The following SLC20A2 variants were observed in gnomAD, a reference collection of about 807,000 sequenced individuals.
SLC20A2 encodes sodium-dependent phosphate transporter 2.
SLC20A2 carries 30 observed loss-of-function variants against 61.0 expected under a neutral mutation model. That is an observed-to-expected ratio of 0.49 (90% CI 0.37 to 0.67). The LOEUF (loss-of-function observed/expected upper bound fraction) is 0.67. Among genes scored for constraint, SLC20A2 ranks in the 30% least tolerant of loss-of-function variants. The pLI is 0.00. For synonymous variants in SLC20A2, 351 were observed against 353.3 expected (o/e 0.99, Z 0.07); for missense variants, 626 against 866.4 (o/e 0.72, Z 3.48).
chr8:42,490,479 C>T (rs1481842925), intron 1 of SLC20A2, among the ~76,000 whole-genome samples: 1 of 152,176 alleles, frequency 6.6e-6, no homozygotes, highest in African/African-American at 2.4e-5. Context: ...CACCTGTAAT[C>T]CCAGCTTCTC....
intron 5 of SLC20A2, among the ~76,000 whole-genome samples, chr8:42,457,978 C>T (rs1806347628): frequency 6.6e-6 from 1 of 152,140 alleles, no homozygotes; most frequent in African/African-American, 2.4e-5. Flanking sequence ...ATAAGGATTT[C>T]CACTATTTTG....
chr8:42,438,115 AAACT>A (rs1350894818), intron 7 of SLC20A2, among the ~76,000 whole-genome samples: 1 of 151,630 alleles, frequency 6.6e-6, no homozygotes, highest in Non-Finnish European at 1.5e-5. Flanking sequence ...CAAAAGGGTA[AAACT>A]AATAATGTGG....
At chr8:42,423,235 A>T (rs932177909) in intron 10 of SLC20A2, among the ~76,000 whole-genome samples, 1 of 152,150 alleles carries the variant, frequency 6.6e-6, no homozygotes, top group Non-Finnish European at 1.5e-5. Flanking sequence ...AGCATTAAAA[A>T]GTCTCCATTG....
At chr8:42,515,221 G>A (rs189551631) in intron 1 of SLC20A2, among the ~76,000 whole-genome samples, 172 of 152,254 alleles carry the variant, frequency 1.1e-3, no homozygotes, top group African/African-American at 3.6e-3. Context: ...TTTTGACTCC[G>A]GAGCTTGTGG....
chr8:42,476,499 C>T (rs1808117608), intron 1 of SLC20A2, among the ~76,000 whole-genome samples: 1 of 152,160 alleles, frequency 6.6e-6, no homozygotes, highest in South Asian at 2.1e-4. Flanking sequence ...ATGAAATTCA[C>T]ACAGGTGAAC....
Position 42,437,168 on chromosome 8 carries a change from C to A in SLC20A2, c.1344G>T (p.Glu448Asp), listed in dbSNP as rs1328659904. 1 of 1,613,690 alleles carries A rather than the reference C, an allele frequency of 6.2e-7. No individual in the cohort carries two copies. Among genetic ancestry groups the A allele is most frequent in the Non-Finnish European group, 8.5e-7 (1 of 1,180,024 alleles). The change falls in exon 8 of 11, where the codon GAG becomes GAT. Residue 448 changes from glutamate to aspartate, a missense_variant. Around this residue, in one of 3 missense-constraint regions of SLC20A2, gnomAD observed 361 missense variants for 422.3 expected, o/e 0.85. Transcript: ENST00000520262. This position sits in a 1 kb window ranked among gnomAD's most constrained non-coding sequence, Gnocchi z 6.4. ...NAVAEAEIEAEEGGVEMKLAS... is the reference protein window; with the variant it reads ...NAVAEAEIEADEGGVEMKLAS... ...CCAGCTTCATCTCCACGCCGCCCTC[C>A]TCCGCCTCGATCTCCGCCTCTGCCA...
chr8:42,475,554 C>A (rs967054993), intron 1 of SLC20A2, among the ~76,000 whole-genome samples: 2 of 151,968 alleles, frequency 1.3e-5, no homozygotes, highest in African/African-American at 4.8e-5. Context: ...GGATTACAGG[C>A]ACCCGCCATC....
intron 10 of SLC20A2, among the ~76,000 whole-genome samples, chr8:42,421,559 C>T (rs1054381699): frequency 1.4e-4 from 22 of 152,260 alleles, no homozygotes; most frequent in African/African-American, 4.8e-4. Context: ...AATCCCAGCA[C>T]TTTGGGAGGC....
At chr8:42,537,370 C>CAAAAAA (rs34392956) in intron 1 of SLC20A2, among the ~76,000 whole-genome samples, 3 of 86,184 alleles carry the variant, frequency 3.5e-5, no homozygotes, top group South Asian at 4.2e-4. Context: ...GACCCTGTCT[C>CAAAAAA]AAAAAAAAAA....
chr8:42,459,235 C>CAA lies in SLC20A2; in HGVS notation c.613+659_613+660dup, dbSNP rs756966778. 7.8e-3 allele frequency among the ~76,000 whole-genome samples: 274 copies of CAA among 35,232 alleles called. 3 individuals are homozygous for CAA. The highest frequency in any genetic ancestry group is 0.018 in the Middle Eastern group (1 of 56). The allele number at this position is 35,232 out of a possible 152,430, so 23.1% of individuals were successfully genotyped here. On this transcript the variant is annotated intron_variant, in intron 5 of 10. Transcript: ENST00000520262. ...TGGGTGAGAGAGTGAGACTCTATCT[C>CAA]AAAAAAAAAAAAAAAAAAAAAAAAC...
rs1454837824 is a variant in SLC20A2 at position 42,417,011 on chromosome 8, C to A, written c.*792G>T. The A allele has an allele frequency of 6.6e-6, 1 of 152,656 alleles. No individual in the cohort carries two copies. Among genetic ancestry groups the A allele is most frequent in the Admixed American group, 6.5e-5 (1 of 15,288 alleles). The allele number at this position is 152,656 out of a possible 1,614,324, so 9.5% of individuals were successfully genotyped here. Reference sequence around the variant, plus strand: ...CGTGGCGCATGCTGGGTGACGGTGTCACCGCCACACACTGCTCTGGGGCAG... The same window carrying A: ...CGTGGCGCATGCTGGGTGACGGTGTAACCGCCACACACTGCTCTGGGGCAG... On this transcript the variant is annotated 3_prime_UTR_variant, in exon 11 of 11. Transcript: ENST00000520262.
chr8:42,490,151 G>A (rs1284842709), intron 1 of SLC20A2, among the ~76,000 whole-genome samples: 4 of 152,106 alleles, frequency 2.6e-5, no homozygotes, highest in Non-Finnish European at 5.9e-5. Context: ...TACACCATTG[G>A]TCACTGAGGA....
intron 5 of SLC20A2, among the ~76,000 whole-genome samples, chr8:42,451,140 G>C (rs947379780): frequency 6.6e-6 from 1 of 151,974 alleles, no homozygotes; most frequent in African/African-American, 2.4e-5. Flanking sequence ...AACTGGAGGA[G>C]GAACAGGGGG....
intron 1 of SLC20A2, among the ~76,000 whole-genome samples, chr8:42,499,007 C>G (rs950563410): frequency 6.6e-6 from 1 of 152,178 alleles, no homozygotes; most frequent in Non-Finnish European, 1.5e-5. Context: ...AATCTGCAAC[C>G]GGCAGCGATT....
At chr8:42,499,495 C>T (rs1181405126) in intron 1 of SLC20A2, among the ~76,000 whole-genome samples, 1 of 152,194 alleles carries the variant, frequency 6.6e-6, no homozygotes, top group Non-Finnish European at 1.5e-5. Context: ...TCATAAAGCA[C>T]ATGCTTCCTA....
At chr8:42,485,944 CAAAAA>C (rs368127646) in intron 1 of SLC20A2, among the ~76,000 whole-genome samples, 1 of 113,664 alleles carries the variant, frequency 8.8e-6, no homozygotes, top group African/African-American at 2.9e-5. Context: ...GACTCCGTCT[CAAAAA>C]AAAAAAAAAA....
intron 2 of SLC20A2, 84 bp from the exon 3 acceptor site, chr8:42,466,001 A>G (rs1807130375): frequency 4.1e-6 from 5 of 1,215,918 alleles, no homozygotes; most frequent in East Asian, 5.2e-5. Flanking sequence ...GTTTTCCATA[A>G]CAACATCTCC....
intron 1 of SLC20A2, among the ~76,000 whole-genome samples, chr8:42,540,208 C>T (rs1216631147): frequency 1.3e-5 from 2 of 152,206 alleles, no homozygotes; most frequent in African/African-American, 4.8e-5. Flanking sequence ...AGGAGAATCG[C>T]TTGAACCCGG....
At position 42,437,561 on chromosome 8, in the gene SLC20A2, C is replaced by A; in HGVS notation, c.951G>T (p.Met317Ile). The A allele has an allele frequency of 6.2e-7, 1 of 1,607,886 alleles. No individual in the cohort carries two copies. Among genetic ancestry groups the A allele is most frequent in the South Asian group, 1.1e-5 (1 of 90,328 alleles). ...PRAAYGRALS[M>I]THGSVKSPIS... ...TGGGCGATTTCACAGAGCCATGGGTCATGGACAGTGCTCTTCCTGAAAAGG... is the reference window on the plus strand; with the variant it reads ...TGGGCGATTTCACAGAGCCATGGGTAATGGACAGTGCTCTTCCTGAAAAGG... The change falls in exon 8 of 11, where the codon ATG becomes ATT. Residue 317 changes from methionine to isoleucine, a missense_variant. Physicochemically the swap from Met to Ile is conservative, Grantham distance 10. Transcript: ENST00000520262. This position sits in a 1 kb window ranked among gnomAD's most constrained non-coding sequence, Gnocchi z 6.4.
Sources: allele counts gnomAD v4.1 joint callset (sites outside exome capture counted in the v4.1 genomes callset), GRCh38; gene constraint gnomAD v4.1.1; regional missense constraint gnomAD v4.1.1; non-coding constraint Gnocchi (gnomAD v3.1); transcripts MANE v1.5; gene names NCBI Gene and HGNC (gene_info 2026-07-23, HGNC 2026-07-21).